The following OXR1 variants were observed in gnomAD, a reference collection of about 807,000 sequenced individuals.
OXR1 encodes the protein oxidation resistance 1.
Under a neutral mutation model 104.6 loss-of-function variants are expected in OXR1, and 41 were observed. The observed-to-expected ratio is 0.39, with a 90% confidence interval of 0.31 to 0.51. The LOEUF is 0.51. Among genes scored for constraint, OXR1 ranks in the 20% least tolerant of loss-of-function variants. The pLI is 0.77. For missense variants in OXR1, 955 were observed against 1,031.9 expected (o/e 0.93, Z 1.02); for synonymous variants, 348 against 348.4 (o/e 1.00, Z 0.01).
intron 2 of OXR1, among the ~76,000 whole-genome samples, chr8:106,509,241 A>G (rs1364299172): frequency 3.9e-5 from 6 of 152,194 alleles, no homozygotes; most frequent in Non-Finnish European, 8.8e-5. Context: ...TAATCTTTGG[A>G]TTTACATAAT....
At chr8:106,742,338 A>C (rs2131581376) in intron 15 of OXR1, 21 bp downstream of exon 15, 1 of 1,442,384 alleles carries the variant, frequency 6.9e-7, no homozygotes, top group African/African-American at 1.4e-5. Context: ...CTATTTCAAT[A>C]TTTTATTTAT....
At position 106,697,500 on chromosome 8, in the gene OXR1, C is replaced by G. The variant is rs1830161943; in HGVS notation, c.675+4623C>G. ...CCCCCATCTGTAGCCCGATCACGTT[C>G]TTGCCCTCTTGCAGCTGGTTATCCG... On this transcript the variant is annotated intron_variant, in intron 7 of 16. Coordinates refer to ENST00000517566, the MANE Select transcript of OXR1 (RefSeq NM_001198533.2). 1.1e-5 allele frequency: 17 copies of G among 1,609,708 alleles called. No homozygotes were observed. The South Asian group carries it at 1.9e-4, about 18-fold the overall frequency.
intron 2 of OXR1, among the ~76,000 whole-genome samples, chr8:106,422,891 T>C (rs552672927): frequency 6.6e-6 from 1 of 152,272 alleles, no homozygotes; most frequent in Non-Finnish European, 1.5e-5. Context: ...AGAGAACTTT[T>C]AAGAGGTAAA....
chr8:106,380,385 G>T (rs776299872), intron 2 of OXR1, among the ~76,000 whole-genome samples: 8 of 152,056 alleles, frequency 5.3e-5, no homozygotes, highest in Non-Finnish European at 1.0e-4. Context: ...GGACATTTGG[G>T]TTGTCTGTAC....
At chr8:106,744,798 C>A (rs1349298980) in intron 15 of OXR1, among the ~76,000 whole-genome samples, 1 of 152,014 alleles carries the variant, frequency 6.6e-6, no homozygotes, top group East Asian at 1.9e-4. Flanking sequence ...ATTTTAATCT[C>A]AAGAAAAGGA....
At chr8:106,361,702 TG>T (rs1330399008) in intron 2 of OXR1, among the ~76,000 whole-genome samples, 1 of 152,192 alleles carries the variant, frequency 6.6e-6, no homozygotes, top group Non-Finnish European at 1.5e-5. Context: ...TTAACAGGAA[TG>T]CACAGTAACT....
intron 3 of OXR1, among the ~76,000 whole-genome samples, chr8:106,639,653 ATC>A (rs1000711908): frequency 1.3e-5 from 2 of 152,214 alleles, no homozygotes; most frequent in African/African-American, 2.4e-5. Flanking sequence ...TTTAAGGCAG[ATC>A]TCTCAATAGG....
At chr8:106,342,371 C>T (rs1815292819) in intron 1 of OXR1, among the ~76,000 whole-genome samples, 2 of 151,866 alleles carry the variant, frequency 1.3e-5, no homozygotes. Context: ...CTGCCTCAGC[C>T]TCCTGAGTAG....
chr8:106,312,726 A>G (rs1022102251), intron 1 of OXR1, among the ~76,000 whole-genome samples: 2 of 152,192 alleles, frequency 1.3e-5, no homozygotes, highest in Admixed American at 6.5e-5. Flanking sequence ...CAGTTTTTTG[A>G]AAGCCATTTA....
intron 3 of OXR1, among the ~76,000 whole-genome samples, chr8:106,666,207 A>G (rs899131826): frequency 8.5e-5 from 13 of 152,176 alleles, no homozygotes; most frequent in Non-Finnish European, 4.4e-5. Flanking sequence ...TACATTTTAA[A>G]CTATAGATTT....
intron 6 of OXR1, among the ~76,000 whole-genome samples, chr8:106,686,549 T>C (rs1828746751): frequency 6.6e-6 from 1 of 152,154 alleles, no homozygotes; most frequent in Non-Finnish European, 1.5e-5. Context: ...ATGTCTCCCA[T>C]GCTGTATAAA....
chr8:106,458,611 C>T (rs950323643), intron 2 of OXR1, among the ~76,000 whole-genome samples: 2 of 152,084 alleles, frequency 1.3e-5, no homozygotes, highest in African/African-American at 4.8e-5. Flanking sequence ...GAGCTACCAG[C>T]TTGCAGCATC....
At chr8:106,343,239 C>A (rs1033850176) in intron 1 of OXR1, among the ~76,000 whole-genome samples, 5 of 152,210 alleles carry the variant, frequency 3.3e-5, no homozygotes, top group African/African-American at 1.2e-4. Flanking sequence ...GATCAAGTTT[C>A]TTCCCTACTC....
chr8:106,313,980 C>T (rs943668388), intron 1 of OXR1, among the ~76,000 whole-genome samples: 1 of 152,096 alleles, frequency 6.6e-6, no homozygotes, highest in Non-Finnish European at 1.5e-5. Context: ...GTATTGAATC[C>T]TGGACTATGT....
At chr8:106,359,384 C>T (rs1288366716) in intron 1 of OXR1, 92 bp from the exon 2 acceptor site, 2 of 499,904 alleles carry the variant, frequency 4.0e-6, no homozygotes, top group East Asian at 3.1e-5. Flanking sequence ...TATCTTATAC[C>T]ATGACAAAAC....
chr8:106,497,810 A>C (rs994059042), intron 2 of OXR1, among the ~76,000 whole-genome samples: 5 of 135,750 alleles, frequency 3.7e-5, no homozygotes, highest in African/African-American at 1.6e-4. Context: ...GTGTGTGCAC[A>C]CGCGTGTGTG....
chr8:106,687,203 TCTC>T (rs1828823492), intron 6 of OXR1, among the ~76,000 whole-genome samples: 1 of 152,154 alleles, frequency 6.6e-6, no homozygotes, highest in South Asian at 2.1e-4. Flanking sequence ...ACATATTTAT[TCTC>T]CTAGCTCCTT....
intron 3 of OXR1, among the ~76,000 whole-genome samples, chr8:106,678,716 A>G (rs1345178170): frequency 3.9e-5 from 6 of 152,066 alleles, no homozygotes; most frequent in African/African-American, 1.4e-4. Context: ...GATTTACTTC[A>G]TGGCATGTTA....
chr8:106,551,787 TAC>T (rs1167895720), intron 3 of OXR1, among the ~76,000 whole-genome samples: 6 of 103,664 alleles, frequency 5.8e-5, no homozygotes, highest in Non-Finnish European at 1.2e-4. Flanking sequence ...GTCTCCACTA[TAC>T]ATATATATAT....
Sources: gnomAD v4.1 joint callset for allele counts (sites outside exome capture counted in the v4.1 genomes callset) on GRCh38, gnomAD v4.1.1 for gene constraint, MANE v1.5 for transcripts, NCBI Gene and HGNC (gene_info 2026-07-23, HGNC 2026-07-21) for gene names.